NPSR1: variants seen among roughly 807,000 people sequenced by gnomAD.
The protein encoded by NPSR1 is neuropeptide S receptor 1.
Under a neutral mutation model 46.9 loss-of-function variants are expected in NPSR1, and 48 were observed. The observed-to-expected ratio is 1.02, with a 90% CI of 0.81 to 1.30. NPSR1 has a LOEUF of 1.30. Among genes scored for constraint, NPSR1 ranks in the 50% most tolerant of loss-of-function variants. NPSR1 has a pLI of 0.00. For synonymous variants in NPSR1, 176 were observed against 168.1 expected (o/e 1.05, Z -0.36); for missense variants, 450 against 449.5 (o/e 1.00, Z -0.01).
intron 1 of NPSR1, among the ~76,000 whole-genome samples, chr7:34,684,209 A>G (rs1792802479): frequency 6.6e-6 from 1 of 152,212 alleles, no homozygotes. Context: ...TTATCTTTAA[A>G]CAATTTCTAA....
chr7:34,755,346 G>A (rs1050497631), intron 2 of NPSR1, among the ~76,000 whole-genome samples: 18 of 152,154 alleles, frequency 1.2e-4, no homozygotes, highest in Admixed American at 2.0e-4. Flanking sequence ...CAGAGATTTA[G>A]GTCAAGGATA....
chr7:34,875,458 A>G (rs969492817), intron 8 of NPSR1, among the ~76,000 whole-genome samples: 4 of 152,204 alleles, frequency 2.6e-5, no homozygotes, highest in African/African-American at 9.6e-5. Context: ...GGTCTGATTC[A>G]AGGAATGAGA....
At chr7:34,809,924 C>T (rs1387502318) in intron 3 of NPSR1, among the ~76,000 whole-genome samples, 2 of 152,104 alleles carry the variant, frequency 1.3e-5, no homozygotes, top group Non-Finnish European at 2.9e-5. Context: ...GAAGATAATG[C>T]CCTCCATCCA....
chr7:34,713,994 T>A (rs1306948410), intron 2 of NPSR1, among the ~76,000 whole-genome samples: 1 of 152,252 alleles, frequency 6.6e-6, no homozygotes, highest in African/African-American at 2.4e-5. Context: ...CCTTTCATAT[T>A]TCTGAGGGTC....
At chr7:34,780,269 C>T (rs1787172463) in intron 3 of NPSR1, among the ~76,000 whole-genome samples, 1 of 152,146 alleles carries the variant, frequency 6.6e-6, no homozygotes. Context: ...TGGAGGTTGG[C>T]AACCACACTA....
downstream of NPSR1, among the ~76,000 whole-genome samples, chr7:34,852,444 T>C (rs1035774998): frequency 2.0e-5 from 3 of 152,040 alleles, no homozygotes; most frequent in African/African-American, 7.2e-5. Context: ...ATCTGCAAGA[T>C]GGGGACAAAA....
At chr7:34,717,075 A>G (rs1454675477) in intron 2 of NPSR1, among the ~76,000 whole-genome samples, 1 of 152,212 alleles carries the variant, frequency 6.6e-6, no homozygotes, top group Non-Finnish European at 1.5e-5. Flanking sequence ...AGAAGATAGG[A>G]CACATTCATT....
intron 6 of NPSR1, among the ~76,000 whole-genome samples, chr7:34,841,617 C>T (rs1412856713): frequency 6.6e-6 from 1 of 152,196 alleles, no homozygotes; most frequent in East Asian, 1.9e-4. Flanking sequence ...TTTCGTAGCT[C>T]AGCTCTCTCT....
At chr7:34,841,569 T>C (rs531764370) in intron 6 of NPSR1, among the ~76,000 whole-genome samples, 1 of 152,326 alleles carries the variant, frequency 6.6e-6, no homozygotes, top group African/African-American at 2.4e-5. Context: ...TGAGTAGAAA[T>C]AATCCTTTTA....
chr7:34,662,734 C>T (rs1402131296), intron 1 of NPSR1, among the ~76,000 whole-genome samples: 1 of 152,170 alleles, frequency 6.6e-6, no homozygotes, highest in Non-Finnish European at 1.5e-5. Flanking sequence ...AGACCTAGTG[C>T]TCTGCTTTCC....
chr7:34,673,355 C>G (rs1464764288), intron 1 of NPSR1, among the ~76,000 whole-genome samples: 2 of 152,096 alleles, frequency 1.3e-5, no homozygotes, highest in Non-Finnish European at 2.9e-5. Context: ...GATTACAAAC[C>G]AGTATAATCA....
At chr7:34,797,082 G>C (rs1386139570) in intron 3 of NPSR1, among the ~76,000 whole-genome samples, 1 of 152,182 alleles carries the variant, frequency 6.6e-6, no homozygotes, top group Non-Finnish European at 1.5e-5. Context: ...GTAAGCAAAA[G>C]TGACAGTCTG....
chr7:34,811,274 G>A (rs777762894), intron 3 of NPSR1, among the ~76,000 whole-genome samples: 2 of 152,112 alleles, frequency 1.3e-5, no homozygotes, highest in Non-Finnish European at 2.9e-5. Flanking sequence ...CTGGAAGGGG[G>A]ATGGAGTGGG....
chr7:34,874,202 A>ACCAGC (rs1791525070), intron 8 of NPSR1, among the ~76,000 whole-genome samples: 1 of 152,172 alleles, frequency 6.6e-6, no homozygotes, highest in Non-Finnish European at 1.5e-5. Context: ...GCTGGCCACC[A>ACCAGC]CCAGCCCAGT....
intron 3 of NPSR1, among the ~76,000 whole-genome samples, chr7:34,792,727 A>C (rs369107995): frequency 1.2e-5 from 1 of 81,722 alleles, no homozygotes; most frequent in Non-Finnish European, 2.7e-5. Context: ...ATATATATAT[A>C]TATATATTAG....
At chr7:34,726,477 C>T (rs1784157198) in intron 2 of NPSR1, among the ~76,000 whole-genome samples, 1 of 152,190 alleles carries the variant, frequency 6.6e-6, no homozygotes, top group South Asian at 2.1e-4. Context: ...TAAATATACT[C>T]TTACCATATA....
At position 34,841,319 on chromosome 7, in the gene NPSR1, T is replaced by C. The variant is rs1400510201; in HGVS notation, c.758-3577T>C. Among the ~76,000 whole-genome samples the C allele has an allele frequency of 2.0e-5, 3 of 152,216 alleles. No homozygotes were observed. In the South Asian group the frequency reaches 6.2e-4, roughly 32 times the overall value. On this transcript the variant is annotated intron_variant, in intron 6 of 8. Transcript: ENST00000360581. The stretch of plus-strand genomic sequence containing the variant: ...GCCTGCATGAAGAATGGGTTCCCAG[T>C]GGCTCTGTAAGAGGCCTGTGGTCTT...
intron 8 of NPSR1, among the ~76,000 whole-genome samples, chr7:34,868,431 A>G (rs1791370707): frequency 6.6e-6 from 1 of 151,714 alleles, no homozygotes; most frequent in Admixed American, 6.6e-5. Flanking sequence ...ACCAAGAAAG[A>G]TTGAGGGTCA....
At chr7:34,806,352 C>T (rs1788698290) in intron 3 of NPSR1, among the ~76,000 whole-genome samples, 3 of 152,186 alleles carry the variant, frequency 2.0e-5, no homozygotes, top group South Asian at 4.1e-4. Flanking sequence ...AATGGGCTAT[C>T]CAGCCATGAA....
Sources: gnomAD v4.1 joint callset for allele counts (sites outside exome capture counted in the v4.1 genomes callset) on GRCh38, gnomAD v4.1.1 for gene constraint, MANE v1.5 for transcripts, NCBI Gene and HGNC (gene_info 2026-07-23, HGNC 2026-07-21) for gene names.